Variants in DRC11 observed in about 807,000 individuals in gnomAD.
The protein encoded by DRC11 is IQ and AAA domain-containing protein 1.
At chr2:236,499,051 A>G in the DRC11 span, among the ~76,000 whole-genome samples, 1 of 152,144 alleles carries the variant, frequency 6.6e-6, no homozygotes, top group Admixed American at 6.5e-5. This position sits in a 1 kb window ranked among gnomAD's most constrained non-coding sequence, Gnocchi z 4.7. Flanking sequence ...GGGCAGCCCT[A>G]ATCCCCTGAA....
At chr2:236,368,368 G>C in the DRC11 span, 2 of 909,112 alleles carry the variant, frequency 2.2e-6, no homozygotes, top group Middle Eastern at 2.2e-4. Flanking sequence ...CATAATTTTG[G>C]CATCTGCAAA....
chr2:236,491,142 G>GTATATATATACACACAGTATATATATATA, the DRC11 span, among the ~76,000 whole-genome samples: 411 of 39,150 alleles, frequency 0.01, 26 homozygotes, highest in African/African-American at 0.031. Context: ...TATATATACA[G>GTATATATATACACACAGTATATATATATA]TATATATATA....
At chr2:236,407,873 G>T in the DRC11 span, 1 of 370,992 alleles carries the variant, frequency 2.7e-6, no homozygotes, top group Non-Finnish European at 5.3e-6. Flanking sequence ...CTGCAATTTG[G>T]TCTTTCTTGA....
At chr2:236,441,278 C>G in the DRC11 span, among the ~76,000 whole-genome samples, 1,700 of 152,266 alleles carry the variant, frequency 0.011, 14 homozygotes, top group Non-Finnish European at 0.019. Flanking sequence ...CTTGAAGAAA[C>G]TGAAGGTACT....
At chr2:236,472,413 C>G in the DRC11 span, among the ~76,000 whole-genome samples, 2 of 152,190 alleles carry the variant, frequency 1.3e-5, no homozygotes, top group Admixed American at 6.5e-5. The surrounding 1 kb of genome is among the most constrained non-coding windows in gnomAD (Gnocchi z 4.6). Context: ...TTTTAACAGA[C>G]TACATTTTCA....
the DRC11 span, among the ~76,000 whole-genome samples, chr2:236,477,882 T>C: frequency 6.6e-6 from 1 of 152,102 alleles, no homozygotes; most frequent in African/African-American, 2.4e-5. Flanking sequence ...CGTTGTTAAG[T>C]CTCCTCTTAA....
chr2:236,431,943 G>A, the DRC11 span, among the ~76,000 whole-genome samples: 4 of 152,156 alleles, frequency 2.6e-5, no homozygotes, highest in Non-Finnish European at 4.4e-5. The surrounding 1 kb of genome is among the most constrained non-coding windows in gnomAD (Gnocchi z 4.2). Flanking sequence ...CTGTTGGATA[G>A]AGTCCTAAGA....
At chr2:236,488,677 T>C in the DRC11 span, among the ~76,000 whole-genome samples, 839 of 152,294 alleles carry the variant, frequency 5.5e-3, 9 homozygotes, top group African/African-American at 0.018. Context: ...ATCGAAATCA[T>C]TTTGGGGGCA....
chr2:236,444,011 T>A, the DRC11 span, among the ~76,000 whole-genome samples: 2 of 151,790 alleles, frequency 1.3e-5, no homozygotes, highest in African/African-American at 4.8e-5. Flanking sequence ...TGTCTGTTCA[T>A]GTCTTTTGCC....
chr2:236,357,023 CTATATATTTATATATTCATATATTAT>C, the DRC11 span, among the ~76,000 whole-genome samples: 1 of 109,936 alleles, frequency 9.1e-6, no homozygotes, highest in Non-Finnish European at 1.8e-5. Context: ...TATTATATAT[CTATATATTTATATATTCATATATTAT>C]ATATCTATTT....
chr2:236,506,194 C>T, the DRC11 span, among the ~76,000 whole-genome samples: 1 of 152,182 alleles, frequency 6.6e-6, no homozygotes, highest in Non-Finnish European at 1.5e-5. This position sits in a 1 kb window ranked among gnomAD's most constrained non-coding sequence, Gnocchi z 4.9. Context: ...GTCTTTGATT[C>T]CTTTGCCAGG....
the DRC11 span, among the ~76,000 whole-genome samples, chr2:236,404,148 C>T: frequency 7.6e-6 from 1 of 131,650 alleles, no homozygotes; most frequent in East Asian, 2.1e-4. Flanking sequence ...TTTGACTTAA[C>T]CCAATGGAGA....
the DRC11 span, among the ~76,000 whole-genome samples, chr2:236,386,395 A>G: frequency 6.6e-6 from 1 of 151,982 alleles, no homozygotes; most frequent in Non-Finnish European, 1.5e-5. Context: ...TCTTGGGAGA[A>G]TGTATGTGTC....
chr2:236,448,293 C>A, the DRC11 span, among the ~76,000 whole-genome samples: 1 of 152,190 alleles, frequency 6.6e-6, no homozygotes, highest in Non-Finnish European at 1.5e-5. The surrounding 1 kb of genome is among the most constrained non-coding windows in gnomAD (Gnocchi z 5.3). Flanking sequence ...TACAACATAA[C>A]TAGGGAGGAC....
At chr2:236,325,758 A>G in the DRC11 span, among the ~76,000 whole-genome samples, 1 of 152,040 alleles carries the variant, frequency 6.6e-6, no homozygotes, top group African/African-American at 2.4e-5. The surrounding 1 kb of genome is among the most constrained non-coding windows in gnomAD (Gnocchi z 4.4). Flanking sequence ...GTGCGCCACC[A>G]CACCCAGCTA....
At chr2:236,443,455 C>T in the DRC11 span, among the ~76,000 whole-genome samples, 5 of 152,202 alleles carry the variant, frequency 3.3e-5, no homozygotes, top group Non-Finnish European at 5.9e-5. This position sits in a 1 kb window ranked among gnomAD's most constrained non-coding sequence, Gnocchi z 4.4. Context: ...CACTGTTCAG[C>T]TCCCACATAT....
the DRC11 span, among the ~76,000 whole-genome samples, chr2:236,366,695 A>G: frequency 1.3e-5 from 2 of 151,880 alleles, no homozygotes; most frequent in African/African-American, 2.4e-5. Context: ...TGCAGCTGTG[A>G]AATACACCAA....
At chr2:236,325,283 T>C in the DRC11 span, among the ~76,000 whole-genome samples, 1 of 152,334 alleles carries the variant, frequency 6.6e-6, no homozygotes, top group South Asian at 2.1e-4. This position sits in a 1 kb window ranked among gnomAD's most constrained non-coding sequence, Gnocchi z 4.4. Flanking sequence ...TTGCGTTTTA[T>C]TTGAAACCTA....
the DRC11 span, among the ~76,000 whole-genome samples, chr2:236,489,342 G>A: frequency 7.5e-6 from 1 of 133,310 alleles, no homozygotes; most frequent in Non-Finnish European, 1.6e-5. Context: ...GCTGGGGCCT[G>A]TGTGGGCTCC....
Sources: gnomAD v4.1 joint callset for allele counts (sites outside exome capture counted in the v4.1 genomes callset) on GRCh38, gnomAD v4.1.1 for gene constraint, Gnocchi (gnomAD v3.1) non-coding constraint, MANE v1.5 for transcripts, NCBI Gene and HGNC (gene_info 2026-07-23, HGNC 2026-07-21) for gene names.